Variants in PPP3CA observed in about 807,000 individuals in gnomAD.
PPP3CA encodes the protein CAM-PRP catalytic subunit.
In PPP3CA, 14 loss-of-function variants were observed where a neutral mutation model predicts 66.5. That is an observed-to-expected ratio of 0.21 (90% confidence interval 0.14 to 0.33). PPP3CA has a LOEUF of 0.33. PPP3CA is among the 10% of genes least tolerant of loss of function. The probability of loss-of-function intolerance (pLI) is 1.00; values close to 1 mark genes in which losing one functional copy is unlikely to be tolerated. For missense variants in PPP3CA, 317 were observed against 639.5 expected (o/e 0.50, Z 5.44); for synonymous variants, 232 against 226.2 (o/e 1.03, Z -0.23).
chr4:101,099,744 T>C (rs1218119965), intron 3 of PPP3CA, 22 bp from the exon 4 acceptor site: 3 of 1,253,130 alleles, frequency 2.4e-6, no homozygotes, highest in Non-Finnish European at 3.2e-6. Context: ...AAAAATAATA[T>C]AAAAATAAAT....
At chr4:101,079,178 C>T (rs1173714966) in intron 8 of PPP3CA, among the ~76,000 whole-genome samples, 1 of 152,112 alleles carries the variant, frequency 6.6e-6, no homozygotes, top group African/African-American at 2.4e-5. Flanking sequence ...TAAAGGTGGC[C>T]AAGGCCCATA....
In PPP3CA at chr4:101,216,892, ATATATTTATGGCAAATCATAT is replaced by A. The variant is rs1196436674; in HGVS notation, c.59-20797_59-20777del. 3.3e-5 allele frequency among the ~76,000 whole-genome samples: 5 copies of A among 152,204 alleles called. No homozygotes were observed. In the East Asian group the frequency reaches 9.7e-4, roughly 29 times the overall value. On this transcript the variant is annotated intron_variant, in intron 1 of 13. Transcript: ENST00000394854. Reference sequence around the variant, plus strand: ...TCTTACAGTTAAATAAAATCACCACATATATTTATGGCAAATCATATCAGAAACCATTTTGACAAAGAAGCT... The same window carrying A: ...TCTTACAGTTAAATAAAATCACCACACAGAAACCATTTTGACAAAGAAGCT...
At chr4:101,155,918 A>G (rs1372427181) in intron 2 of PPP3CA, among the ~76,000 whole-genome samples, 1 of 152,198 alleles carries the variant, frequency 6.6e-6, no homozygotes, top group Non-Finnish European at 1.5e-5. Context: ...AGCAGCTAAT[A>G]TTCATTGAGC....
chr4:101,048,324 G>A (rs771872749), intron 10 of PPP3CA, among the ~76,000 whole-genome samples: 5 of 151,798 alleles, frequency 3.3e-5, no homozygotes, highest in Non-Finnish European at 7.4e-5. Context: ...TATGGTAATC[G>A]CGACAGTACA....
chr4:101,148,962 T>C (rs1476220844), intron 2 of PPP3CA, among the ~76,000 whole-genome samples: 1 of 152,180 alleles, frequency 6.6e-6, no homozygotes, highest in Non-Finnish European at 1.5e-5. Context: ...TCTTACATTC[T>C]TTACTAGCAT....
At chr4:101,281,847 A>G (rs1185091390) in intron 1 of PPP3CA, among the ~76,000 whole-genome samples, 1 of 152,214 alleles carries the variant, frequency 6.6e-6, no homozygotes, top group East Asian at 1.9e-4. Context: ...TACATATAAC[A>G]AAGACAGACT....
intron 8 of PPP3CA, among the ~76,000 whole-genome samples, chr4:101,075,773 C>A (rs1187017858): frequency 6.6e-6 from 1 of 152,172 alleles, no homozygotes; most frequent in East Asian, 1.9e-4. Flanking sequence ...AATTAGTCCC[C>A]ATAGACTAAT....
At chr4:101,085,364 C>T (rs1234505183) in intron 6 of PPP3CA, among the ~76,000 whole-genome samples, 2 of 152,168 alleles carry the variant, frequency 1.3e-5, no homozygotes, top group African/African-American at 4.8e-5. Flanking sequence ...GAACAACTTA[C>T]ACTATTCTTA....
chr4:101,036,100 A>G (rs1727234552), intron 11 of PPP3CA, among the ~76,000 whole-genome samples: 1 of 152,232 alleles, frequency 6.6e-6, no homozygotes. Context: ...CAAATATAAG[A>G]ATAGAAAATG....
At chr4:101,044,390 C>T (rs986349898) in intron 10 of PPP3CA, among the ~76,000 whole-genome samples, 1 of 152,148 alleles carries the variant, frequency 6.6e-6, no homozygotes, top group Non-Finnish European at 1.5e-5. Flanking sequence ...ATTCTTGGTA[C>T]TGTTCTGTTT....
intron 1 of PPP3CA, among the ~76,000 whole-genome samples, chr4:101,206,475 T>G (rs1293700245): frequency 1.3e-5 from 2 of 152,186 alleles, no homozygotes; most frequent in Non-Finnish European, 2.9e-5. Flanking sequence ...TGGGAGATAA[T>G]TTGCATCCAT....
At chr4:101,036,225 TG>T (rs1046143569) in intron 11 of PPP3CA, among the ~76,000 whole-genome samples, 1 of 152,234 alleles carries the variant, frequency 6.6e-6, no homozygotes, top group Non-Finnish European at 1.5e-5. Flanking sequence ...CCCCTTTTAC[TG>T]TGGTGTCTAG....
At chr4:101,192,280 T>C (rs1199357578) in intron 2 of PPP3CA, among the ~76,000 whole-genome samples, 1 of 152,134 alleles carries the variant, frequency 6.6e-6, no homozygotes, top group East Asian at 1.9e-4. Context: ...TACCCTGCCA[T>C]GGCTTCCTTG....
intron 1 of PPP3CA, among the ~76,000 whole-genome samples, chr4:101,249,319 G>C (rs1354955533): frequency 6.6e-6 from 1 of 151,838 alleles, no homozygotes; most frequent in Non-Finnish European, 1.5e-5. Context: ...AAGAAACTTA[G>C]CTATAAATTT....
At chr4:101,329,569 T>C (rs990810513) in intron 1 of PPP3CA, among the ~76,000 whole-genome samples, 2 of 152,182 alleles carry the variant, frequency 1.3e-5, no homozygotes, top group African/African-American at 4.8e-5. Context: ...TGGAAGAAGA[T>C]GCTGCCTAGG....
At chr4:101,327,780 T>C (rs77325614) in intron 1 of PPP3CA, among the ~76,000 whole-genome samples, 2 of 152,142 alleles carry the variant, frequency 1.3e-5, no homozygotes, top group South Asian at 2.1e-4. Flanking sequence ...AGCAGGAAAG[T>C]TGTAATGCAT....
chr4:101,050,651 G>T (rs1284623982), intron 10 of PPP3CA, among the ~76,000 whole-genome samples: 2 of 152,246 alleles, frequency 1.3e-5, no homozygotes, highest in South Asian at 2.1e-4. Context: ...AGCTAGAGGT[G>T]ATTCAGAACA....
chr4:101,030,959 GT>G (rs1166217817), intron 12 of PPP3CA, among the ~76,000 whole-genome samples: 1 of 63,502 alleles, frequency 1.6e-5, no homozygotes. Context: ...ACTTTTGTGT[GT>G]GTTTTTTTTT....
chr4:101,234,043 A>G lies in PPP3CA; in HGVS notation c.59-37927T>C, dbSNP rs570109049. Among the ~76,000 whole-genome samples, 604 of 151,956 alleles carry G rather than the reference A, an allele frequency of 4.0e-3. 4 individuals are homozygous for G. Among genetic ancestry groups the G allele is most frequent in the Non-Finnish European group, 7.0e-3 (475 of 67,844 alleles). ...CAGTTTGCTAAAGATAATGGGCTGC[A>G]GCACAATCCATGTTCCTGCAAAGGT... On this transcript the variant is annotated intron_variant, in intron 1 of 13. Transcript: ENST00000394854.
Sources: gnomAD v4.1 joint callset for allele counts (sites outside exome capture counted in the v4.1 genomes callset) on GRCh38, gnomAD v4.1.1 for gene constraint, MANE v1.5 for transcripts, NCBI Gene and HGNC (gene_info 2026-07-23, HGNC 2026-07-21) for gene names.